PPIC: variants seen among roughly 807,000 people sequenced by gnomAD.
PPIC encodes peptidyl-prolyl cis-trans isomerase C.
Under a neutral mutation model 19.5 loss-of-function variants are expected in PPIC, and 19 were observed. That is an observed-to-expected ratio of 0.98 (90% CI 0.68 to 1.43). The LOEUF (loss-of-function observed/expected upper bound fraction) is 1.43. Ranked by LOEUF, PPIC falls within the 40% of genes most tolerant of loss-of-function variation. The pLI is 0.00. For synonymous variants in PPIC, 107 were observed against 101.2 expected (o/e 1.06, Z -0.34); for missense variants, 268 against 268.6 (o/e 1.00, Z 0.02).
chr5:123,027,440 C>T (rs1467624518), intron 3 of PPIC, among the ~76,000 whole-genome samples: 2 of 152,154 alleles, frequency 1.3e-5, no homozygotes, highest in African/African-American at 2.4e-5. Context: ...AGTCACCATT[C>T]CTGCCAGCAC....
At chr5:123,026,042 T>A in intron 3 of PPIC, 74 bp from the exon 4 acceptor site, 1 of 1,245,486 alleles carries the variant, frequency 8.0e-7, no homozygotes, top group Admixed American at 2.9e-5. Context: ...CATAAGGCCT[T>A]AGAGGAATCA....
chr5:123,036,447 C>G lies in PPIC; in HGVS notation c.117+62G>C, dbSNP rs938622044. 34 of 1,462,278 alleles carry G rather than the reference C, an allele frequency of 2.3e-5. No homozygotes were observed. The highest frequency in any genetic ancestry group is 5.6e-5 in the African/African-American group (4 of 71,812). The allele number at this position is 1,462,278 out of a possible 1,614,324, so 90.6% of individuals were successfully genotyped here. On this transcript the variant is annotated intron_variant, in intron 1 of 4. Coordinates refer to ENST00000306442, the MANE Select transcript of PPIC (RefSeq NM_000943.5). This position sits in a 1 kb window ranked among gnomAD's most constrained non-coding sequence, Gnocchi z 4.5. Reference sequence around the variant, plus strand: ...CGCCCTGACACCGAGGTCCCAGTATCCAAAGCGCCCCCAGGGCCCCGCCCG... The same window carrying G: ...CGCCCTGACACCGAGGTCCCAGTATGCAAAGCGCCCCCAGGGCCCCGCCCG...
intron 2 of PPIC, 33 bp downstream of exon 2, chr5:123,029,272 A>C: frequency 6.2e-7 from 1 of 1,614,038 alleles, no homozygotes; most frequent in Non-Finnish European, 8.5e-7. Context: ...AAGAAAGAAG[A>C]CCCAATTTAA....
At chr5:123,029,148 G>C (rs1408858120) in intron 2 of PPIC, 157 bp downstream of exon 2, 1 of 1,378,094 alleles carries the variant, frequency 7.3e-7, no homozygotes, top group Non-Finnish European at 9.9e-7. Context: ...TAAGGGCACT[G>C]AGTGCCCAAA....
chr5:123,030,213 T>C (rs989164350), intron 1 of PPIC, among the ~76,000 whole-genome samples: 1 of 152,214 alleles, frequency 6.6e-6, no homozygotes, highest in African/African-American at 2.4e-5. Context: ...TGAGTGTGAA[T>C]CCACCTTTTG....
At position 123,023,941 on chromosome 5, in the gene PPIC, G is replaced by A; in HGVS notation, c.573C>T (p.Cys191=). Residue 191 remains cysteine, a synonymous_variant, in exon 5 of 5, where the codon TGC becomes TGT. Coordinates refer to ENST00000306442, the MANE Select transcript of PPIC (RefSeq NM_000943.5). ...TDGHDRPLTN[C]SIINSGKIDV... is the part of the protein sequence containing the mutation. ...CTATCTTGCCACTGTTGATGATCGA[G>A]CAGTTGGTGAGTGGACGGTCATGCC... The A allele has an allele frequency of 6.2e-7, 1 of 1,614,098 alleles. No homozygotes were observed. Among genetic ancestry groups the A allele is most frequent in the Non-Finnish European group, 8.5e-7 (1 of 1,180,022 alleles).
intron 3 of PPIC, among the ~76,000 whole-genome samples, chr5:123,026,612 G>A (rs1423050172): frequency 6.6e-6 from 1 of 152,218 alleles, no homozygotes; most frequent in Non-Finnish European, 1.5e-5. Flanking sequence ...AAGAGCAATA[G>A]CAGCTGATCT....
Position 123,036,298 on chromosome 5 carries a change from C to T in PPIC, c.117+211G>A. The T allele has an allele frequency of 1.7e-6, 1 of 578,336 alleles. No homozygotes were observed. Among genetic ancestry groups the T allele is most frequent in the Non-Finnish European group, 3.1e-6 (1 of 326,100 alleles). The allele number at this position is 578,336 out of a possible 1,614,324, so 35.8% of individuals were successfully genotyped here. On this transcript the variant is annotated intron_variant, in intron 1 of 4. Coordinates refer to ENST00000306442, the MANE Select transcript of PPIC (RefSeq NM_000943.5). The surrounding 1 kb of genome is among the most constrained non-coding windows in gnomAD (Gnocchi z 4.5). ...GCAGACTGCGGCGGAGGTAGGCTGG[C>T]CTCAGCCCAGCTCCCCCAGGGTCTC...
In PPIC at chr5:123,023,993, T is replaced by G; in HGVS notation, c.521A>C (p.His174Pro). 1 of 1,611,172 alleles carries G rather than the reference T, an allele frequency of 6.2e-7. No individual in the cohort carries two copies. The highest frequency in any genetic ancestry group is 2.2e-5 in the East Asian group (1 of 44,760). ...GKVIDGMTVV[H>P]SIELQATDGH... Reference sequence around the variant, plus strand: ...ATCAGTTGCTTGGAGCTCTATGGAGTGCACCACTGTCTGGTGAGAGAAAAG... The same window carrying G: ...ATCAGTTGCTTGGAGCTCTATGGAGGGCACCACTGTCTGGTGAGAGAAAAG... The change falls in exon 5 of 5, where the codon CAC becomes CCC. Residue 174 changes from histidine (H) to proline (P), a missense_variant. By Grantham distance (77) the His-to-Pro change is moderately conservative. Transcript: ENST00000306442.
rs2150191637 is a variant in PPIC at position 123,036,345 on chromosome 5, G to T, written c.117+164C>A. The T allele has an allele frequency of 3.1e-6, 2 of 639,968 alleles. No homozygotes were observed. Among genetic ancestry groups the T allele is most frequent in the Non-Finnish European group, 5.4e-6 (2 of 372,386 alleles). The allele number at this position is 639,968 out of a possible 1,614,324, so 39.6% of individuals were successfully genotyped here. A position where few individuals can be genotyped will look rare whatever the true frequency, so the allele number is the denominator to read the frequency against. ...TCTCCCCCGGAGCGCCGGCCTCCCA[G>T]CACGCGAGCAGCCCCCTCCCACCCA... On this transcript the variant is annotated intron_variant, in intron 1 of 4. Coordinates refer to ENST00000306442, the MANE Select transcript of PPIC (RefSeq NM_000943.5). This position sits in a 1 kb window ranked among gnomAD's most constrained non-coding sequence, Gnocchi z 4.5.
At chr5:123,029,450 T>C in intron 1 of PPIC, 32 bp from the exon 2 acceptor site, 1 of 1,531,352 alleles carries the variant, frequency 6.5e-7, no homozygotes, top group Non-Finnish European at 8.8e-7. Context: ...AGTGGAAGGT[T>C]ATAAGGTGGA....
rs1176608534 is a variant in PPIC, at chr5:123,023,615, G to GT, written c.*259dup. Reference sequence around the variant, plus strand: ...GCATTAAAAAAATAGCCAATTCAAAGTTTTTTTTAGTTTTAAAATAGCACC... The same window carrying GT: ...GCATTAAAAAAATAGCCAATTCAAAGTTTTTTTTTAGTTTTAAAATAGCACC... On this transcript the variant is annotated 3_prime_UTR_variant, in exon 5 of 5. Coordinates refer to ENST00000306442, the MANE Select transcript of PPIC (RefSeq NM_000943.5). The GT allele has an allele frequency of 1.3e-4, 40 of 300,328 alleles. No homozygotes were observed. Among genetic ancestry groups the GT allele is most frequent in the East Asian group, 2.9e-4 (4 of 13,686 alleles). The allele number at this position is 300,328 out of a possible 1,614,324, so 18.6% of individuals were successfully genotyped here. A position where few individuals can be genotyped will look rare whatever the true frequency, so the allele number is the denominator to read the frequency against.
In PPIC at chr5:123,023,914, G is replaced by A. The variant is rs147714588; in HGVS notation, c.600C>T (p.Asp200=). Residue 200 remains aspartate, a synonymous_variant, in exon 5 of 5, where the codon GAC becomes GAT. Coordinates refer to ENST00000306442, the MANE Select transcript of PPIC (RefSeq NM_000943.5). ...NCSIINSGKI[D]VKTPFVVEIA... ...TCTCAACCACAAAAGGCGTTTTCAC[G>A]TCTATCTTGCCACTGTTGATGATCG... 240 of 1,613,578 alleles carry A rather than the reference G, an allele frequency of 1.5e-4. No homozygotes were observed. Among genetic ancestry groups the A allele is most frequent in the African/African-American group, 1.1e-3 (81 of 74,790 alleles).
chr5:123,023,722 TTTGATTTTTATAAC>T lies in PPIC; in HGVS notation c.*139_*152del. On this transcript the variant is annotated 3_prime_UTR_variant, in exon 5 of 5. Transcript: ENST00000306442. ...GTTCAAGCAAACTAAAGGGTGACGGTTTGATTTTTATAACTTTCCTGTGATCTGGGATAGAATAC... is the reference window on the plus strand; with the variant it reads ...GTTCAAGCAAACTAAAGGGTGACGGTTTTCCTGTGATCTGGGATAGAATAC... 8.2e-7 allele frequency: 1 copy of T among 1,222,098 alleles called. No homozygotes were observed. Among genetic ancestry groups the T allele is most frequent in the South Asian group, 2.4e-5 (1 of 41,656 alleles). The allele number at this position is 1,222,098 out of a possible 1,614,324, so 75.7% of individuals were successfully genotyped here.
At position 123,036,629 on chromosome 5, in the gene PPIC, G is replaced by A. The variant is rs766207228; in HGVS notation, c.-4C>T. Reference sequence around the variant, plus strand: ...GCAGCCGAGGACCCGGGCCCATGGTGAGCGGTGGCAGCGGCGCTACCGGCA... The same window carrying A: ...GCAGCCGAGGACCCGGGCCCATGGTAAGCGGTGGCAGCGGCGCTACCGGCA... On this transcript the variant is annotated 5_prime_UTR_variant, in exon 1 of 5. Coordinates refer to ENST00000306442, the MANE Select transcript of PPIC (RefSeq NM_000943.5). This position sits in a 1 kb window ranked among gnomAD's most constrained non-coding sequence, Gnocchi z 4.5. 17 of 1,579,112 alleles carry A rather than the reference G, an allele frequency of 1.1e-5. No homozygotes were observed. The highest frequency in any genetic ancestry group is 1.5e-5 in the Non-Finnish European group (17 of 1,164,092).
intron 1 of PPIC, among the ~76,000 whole-genome samples, chr5:123,031,145 A>G (rs376041366): frequency 4.6e-5 from 7 of 152,192 alleles, no homozygotes; most frequent in East Asian, 1.9e-4. Context: ...GGTTTTGCCA[A>G]CTCTACTGGA....
intron 1 of PPIC, among the ~76,000 whole-genome samples, chr5:123,032,924 C>T (rs1367905881): frequency 2.0e-5 from 3 of 152,048 alleles, no homozygotes; most frequent in African/African-American, 4.8e-5. Flanking sequence ...GAAAATTACT[C>T]GGCATTGGAG....
chr5:123,033,068 T>C (rs11241669), intron 1 of PPIC, among the ~76,000 whole-genome samples: 27,770 of 152,156 alleles, frequency 0.18, 2,994 homozygotes, highest in East Asian at 0.48. Flanking sequence ...TGGAAGAAAC[T>C]GTTCTCAAAT....
chr5:123,032,067 G>A (rs1398351840), intron 1 of PPIC, among the ~76,000 whole-genome samples: 1 of 152,218 alleles, frequency 6.6e-6, no homozygotes, highest in Non-Finnish European at 1.5e-5. Context: ...AAAGTGCTGG[G>A]ATTACAGGCA....
Sources: gnomAD v4.1 joint callset for allele counts (sites outside exome capture counted in the v4.1 genomes callset) on GRCh38, gnomAD v4.1.1 for gene constraint, Gnocchi (gnomAD v3.1) non-coding constraint, MANE v1.5 for transcripts, NCBI Gene and HGNC (gene_info 2026-07-23, HGNC 2026-07-21) for gene names.